The following PEX14 variants were observed in gnomAD, a reference collection of about 807,000 sequenced individuals.
The protein encoded by PEX14 is peroxisomal membrane protein PEX14.
Under a neutral mutation model 49.5 loss-of-function variants are expected in PEX14, and 15 were observed. That is an observed-to-expected ratio of 0.30 (90% CI 0.20 to 0.47). PEX14 has a LOEUF of 0.47. PEX14 is among the 20% of genes least tolerant of loss of function. The pLI is 1.00. For missense variants in PEX14, 398 were observed against 494.8 expected (o/e 0.80, Z 1.86); for synonymous variants, 210 against 212.7 (o/e 0.99, Z 0.11).
intron 3 of PEX14, among the ~76,000 whole-genome samples, chr1:10,581,452 C>T (rs1269576869): frequency 6.6e-6 from 1 of 151,472 alleles, no homozygotes; most frequent in Non-Finnish European, 1.5e-5. Flanking sequence ...ATTACAGGCG[C>T]CCGCCACCAT....
At chr1:10,496,524 C>G (rs1246396281) in intron 2 of PEX14, among the ~76,000 whole-genome samples, 1 of 152,136 alleles carries the variant, frequency 6.6e-6, no homozygotes, top group Non-Finnish European at 1.5e-5. Flanking sequence ...AGATTGAACA[C>G]CATAGGCCGC....
At chr1:10,588,816 C>T (rs1640576051) in intron 3 of PEX14, among the ~76,000 whole-genome samples, 1 of 152,048 alleles carries the variant, frequency 6.6e-6, no homozygotes, top group African/African-American at 2.4e-5. Context: ...TAAAGTGCTT[C>T]CTTTAAGTGA....
intron 3 of PEX14, among the ~76,000 whole-genome samples, chr1:10,579,650 G>A (rs1640253055): frequency 6.6e-6 from 1 of 152,140 alleles, no homozygotes; most frequent in African/African-American, 2.4e-5. Flanking sequence ...ATGCCAGACG[G>A]GGTGGATTAT....
intron 3 of PEX14, among the ~76,000 whole-genome samples, chr1:10,590,881 A>G (rs1640644135): frequency 6.6e-6 from 1 of 152,240 alleles, no homozygotes; most frequent in Non-Finnish European, 1.5e-5. Flanking sequence ...ATGCCAAATA[A>G]TAGACCTTCT....
chr1:10,620,458 A>T (rs1422705591), intron 5 of PEX14, among the ~76,000 whole-genome samples: 1 of 152,078 alleles, frequency 6.6e-6, no homozygotes. Context: ...ACTGCACTCC[A>T]GCCTCGGCAA....
chr1:10,494,055 C>T lies in PEX14; in HGVS notation c.37-1219C>T, dbSNP rs1315173438. 2.0e-5 allele frequency among the ~76,000 whole-genome samples: 3 copies of T among 152,162 alleles called. No homozygotes were observed. The highest frequency in any genetic ancestry group is 7.2e-5 in the African/African-American group (3 of 41,416). On this transcript the variant is annotated intron_variant, in intron 1 of 8. Transcript: ENST00000356607. The surrounding 1 kb of genome is among the most constrained non-coding windows in gnomAD (Gnocchi z 4.3). ...AGGCAGGGGAAGCTTGCTCACATTC[C>T]CTGAGACGGACCCTCACTTTCTAGA...
At position 10,512,738 on chromosome 1, in the gene PEX14, C is replaced by T. The variant is rs915612910; in HGVS notation, c.84+17417C>T. Reference sequence around the variant, plus strand: ...TTTTTATGATGGAGTCTTGCTCTGTCGCCAGGCTGGAGTGCAGTGGCGTGA... The same window carrying T: ...TTTTTATGATGGAGTCTTGCTCTGTTGCCAGGCTGGAGTGCAGTGGCGTGA... On this transcript the variant is annotated intron_variant, in intron 2 of 8. Coordinates refer to ENST00000356607, the MANE Select transcript of PEX14 (RefSeq NM_004565.3). This position sits in a 1 kb window ranked among gnomAD's most constrained non-coding sequence, Gnocchi z 4.6. Among the ~76,000 whole-genome samples, 8 of 151,360 alleles carry T rather than the reference C, an allele frequency of 5.3e-5. No individual in the cohort carries two copies. The highest frequency in any genetic ancestry group is 1.7e-4 in the African/African-American group (7 of 41,098).
intron 3 of PEX14, among the ~76,000 whole-genome samples, chr1:10,555,741 C>T (rs1639469408): frequency 1.3e-5 from 2 of 152,026 alleles, no homozygotes; most frequent in African/African-American, 4.8e-5. Context: ...TATTTATCAG[C>T]ACCTGTGTGC....
intron 3 of PEX14, among the ~76,000 whole-genome samples, chr1:10,561,994 G>A (rs1171836548): frequency 6.6e-6 from 1 of 151,948 alleles, no homozygotes; most frequent in Non-Finnish European, 1.5e-5. Context: ...TCAGCCTCCC[G>A]AATAGCTAGG....
intron 4 of PEX14, among the ~76,000 whole-genome samples, chr1:10,607,475 G>A (rs1641160001): frequency 6.6e-6 from 1 of 152,212 alleles, no homozygotes; most frequent in Non-Finnish European, 1.5e-5. Flanking sequence ...ACTGTTTTCT[G>A]GAGTGGTTGC....
intron 3 of PEX14, among the ~76,000 whole-genome samples, chr1:10,569,480 T>G (rs1448767694): frequency 1.3e-5 from 2 of 152,212 alleles, no homozygotes; most frequent in African/African-American, 4.8e-5. Flanking sequence ...TCTCTAGACC[T>G]GTTCCCCAGT....
At chr1:10,523,896 C>T (rs1172151842) in intron 2 of PEX14, among the ~76,000 whole-genome samples, 3 of 150,184 alleles carry the variant, frequency 2.0e-5, no homozygotes, top group Middle Eastern at 3.5e-3. Flanking sequence ...AAAATGTATC[C>T]GGGAGTCCTC....
In PEX14 at chr1:10,597,316, G is replaced by C. The variant is rs1640855595; in HGVS notation, c.170-1922G>C. ...GCAGATGCTGCTTTCTTCTCTAATG[G>C]CTGATTATGAACTGGTTAAAACAAT... On this transcript the variant is annotated intron_variant, in intron 3 of 8. Coordinates refer to ENST00000356607, the MANE Select transcript of PEX14 (RefSeq NM_004565.3). This position sits in a 1 kb window ranked among gnomAD's most constrained non-coding sequence, Gnocchi z 5.7. Among the ~76,000 whole-genome samples the C allele has an allele frequency of 6.6e-6, 1 of 152,234 alleles. No individual in the cohort carries two copies. Among genetic ancestry groups the C allele is most frequent in the Admixed American group, 6.5e-5 (1 of 15,286 alleles).
At chr1:10,564,214 T>C (rs1209946439) in intron 3 of PEX14, among the ~76,000 whole-genome samples, 1 of 152,170 alleles carries the variant, frequency 6.6e-6, no homozygotes, top group Non-Finnish European at 1.5e-5. Flanking sequence ...TCTCATTCTC[T>C]TCTTTCCTGG....
chr1:10,583,401 T>TA (rs1640385906), intron 3 of PEX14, among the ~76,000 whole-genome samples: 1 of 146,764 alleles, frequency 6.8e-6, no homozygotes, highest in African/African-American at 2.7e-5. Flanking sequence ...TTTTTTTTTT[T>TA]TAAAAAGGTG....
chr1:10,493,402 A>AG (rs1204402829), intron 1 of PEX14, among the ~76,000 whole-genome samples: 4 of 152,146 alleles, frequency 2.6e-5, no homozygotes, highest in Non-Finnish European at 5.9e-5. Flanking sequence ...GTAGAGATGG[A>AG]GAAAAACGGA....
intron 2 of PEX14, among the ~76,000 whole-genome samples, chr1:10,510,841 C>T (rs1163652038): frequency 4.6e-5 from 7 of 152,078 alleles, no homozygotes; most frequent in African/African-American, 1.4e-4. Flanking sequence ...ACACATATGC[C>T]GATGTTCAGT....
chr1:10,603,580 A>G (rs939959566), intron 4 of PEX14, among the ~76,000 whole-genome samples: 4 of 152,120 alleles, frequency 2.6e-5, no homozygotes, highest in Admixed American at 1.3e-4. Context: ...AGAAGATTTG[A>G]AATTCTCCAT....
chr1:10,508,956 A>G (rs1641837041), intron 2 of PEX14, among the ~76,000 whole-genome samples: 1 of 143,210 alleles, frequency 7.0e-6, no homozygotes, highest in African/African-American at 2.5e-5. Context: ...TTTTTTTTTG[A>G]GACGGAGTCT....
Sources: allele counts gnomAD v4.1 joint callset (sites outside exome capture counted in the v4.1 genomes callset), GRCh38; gene constraint gnomAD v4.1.1; non-coding constraint Gnocchi (gnomAD v3.1); transcripts MANE v1.5; gene names NCBI Gene and HGNC (gene_info 2026-07-23, HGNC 2026-07-21).